The following MYOM1 variants were observed in gnomAD, a reference collection of about 807,000 sequenced individuals.
MYOM1 encodes the protein myomesin 1.
Under a neutral mutation model 205.3 loss-of-function variants are expected in MYOM1, and 164 were observed. The observed-to-expected ratio is 0.80, with a 90% CI of 0.70 to 0.91. The LOEUF is 0.91. MYOM1 is among the 40% of genes least tolerant of loss of function. MYOM1 has a pLI of 0.00. For synonymous variants in MYOM1, 772 were observed against 789.4 expected (o/e 0.98, Z 0.37); for missense variants, 2,011 against 2,127.3 (o/e 0.95, Z 1.08).
intron 2 of MYOM1, among the ~76,000 whole-genome samples, chr18:3,197,136 C>CTT (rs34446814): frequency 6.0e-5 from 8 of 132,512 alleles, no homozygotes; most frequent in Middle Eastern, 3.5e-3. Context: ...CTCCAACTTC[C>CTT]TTTTTTTTTT....
intron 10 of MYOM1, among the ~76,000 whole-genome samples, chr18:3,155,438 A>T (rs184781261): frequency 6.6e-6 from 1 of 152,122 alleles, no homozygotes; most frequent in African/African-American, 2.4e-5. Context: ...GTTAGCCAGG[A>T]TGGTCTTGAT....
intron 22 of MYOM1, among the ~76,000 whole-genome samples, chr18:3,105,511 C>A (rs913888652): frequency 6.6e-6 from 1 of 152,084 alleles, no homozygotes; most frequent in Non-Finnish European, 1.5e-5. Context: ...ATAATTTGTT[C>A]AGGTTTTTGA....
At chr18:3,171,899 C>T (rs12326590) in intron 8 of MYOM1, among the ~76,000 whole-genome samples, 31,489 of 151,924 alleles carry the variant, frequency 0.21, 3,556 homozygotes, top group Non-Finnish European at 0.26. Context: ...ACAGTCTAGT[C>T]CTTTACAGAA....
At chr18:3,172,511 C>G (rs1200753011) in intron 8 of MYOM1, among the ~76,000 whole-genome samples, 1 of 151,652 alleles carries the variant, frequency 6.6e-6, no homozygotes, top group Non-Finnish European at 1.5e-5. Flanking sequence ...GAATTTCCAA[C>G]TATTCTTTTT....
intron 22 of MYOM1, among the ~76,000 whole-genome samples, chr18:3,109,125 T>C (rs565076007): frequency 6.6e-6 from 1 of 151,724 alleles, no homozygotes; most frequent in East Asian, 2.0e-4. Context: ...GGATTACAGA[T>C]GCCCGCCACA....
rs767192545 is a variant in MYOM1 at position 3,135,669 on chromosome 18, C to T, written c.2087G>A (p.Arg696His). 248 of 1,613,810 alleles carry T rather than the reference C, an allele frequency of 1.5e-4. 2 individuals carry two copies. The highest frequency in any genetic ancestry group is 7.8e-4 in the East Asian group (35 of 44,894). ...CTCGGCCAAGTCAAACAGAGCAAAG[C>T]GGGGAGACTTCACAGGGAGCTCCGT... Reference protein sequence around the residue: ...VNTELPVKSPRFALFDLAEGK... With the variant: ...VNTELPVKSPHFALFDLAEGK... The change falls in exon 15 of 38, where the codon CGC becomes CAC. Residue 696 changes from arginine (R) to histidine (H), a missense_variant. Physicochemically the swap from Arg to His is conservative, Grantham distance 29. Transcript: ENST00000356443. The surrounding 1 kb of genome is among the most constrained non-coding windows in gnomAD (Gnocchi z 4.1).
chr18:3,182,956 G>C (rs1308018065), intron 5 of MYOM1, among the ~76,000 whole-genome samples: 7 of 113,434 alleles, frequency 6.2e-5, no homozygotes, highest in African/African-American at 2.3e-4. Flanking sequence ...ACAGAGTTTC[G>C]CTCTTGTTGC....
chr18:3,202,464 C>T (rs1345595373), intron 2 of MYOM1, among the ~76,000 whole-genome samples: 1 of 151,298 alleles, frequency 6.6e-6, no homozygotes, highest in Non-Finnish European at 1.5e-5. Flanking sequence ...AATTTAAAGA[C>T]ACATTTGTTA....
At chr18:3,237,598 CAAAAAAAAAAAAAA>C in the MYOM1 span, among the ~76,000 whole-genome samples, 7 of 53,608 alleles carry the variant, frequency 1.3e-4, no homozygotes, top group Admixed American at 7.8e-4. Context: ...GACTCCGTCT[CAAAAAAAAAAAAAA>C]AAAAAAAAAA....
chr18:3,235,875 GAA>G, the MYOM1 span, among the ~76,000 whole-genome samples: 3 of 152,236 alleles, frequency 2.0e-5, no homozygotes, highest in Admixed American at 6.5e-5. Flanking sequence ...TTGAAGATGC[GAA>G]AGAGTTGAGG....
intron 7 of MYOM1, 44 bp from the exon 8 acceptor site, chr18:3,174,044 A>G: frequency 6.2e-7 from 1 of 1,609,764 alleles, no homozygotes; most frequent in Non-Finnish European, 8.5e-7. Context: ...TTTGTGATCG[A>G]TTTATTTTAA....
Position 3,141,868 on chromosome 18 carries a change from A to C in MYOM1, c.2025+71T>G, listed in dbSNP as rs2080054228. ...CCTCCCTCACTCCATTGTCCCTGGG[A>C]ATTTAGCCTCCACTTTTCTAAAGAA... On this transcript the variant is annotated intron_variant, in intron 14 of 37. Transcript: ENST00000356443. The C allele has an allele frequency of 2.5e-6, 4 of 1,591,556 alleles. No individual in the cohort carries two copies. In the East Asian group the frequency reaches 9.0e-5, roughly 36 times the overall value.
intron 22 of MYOM1, among the ~76,000 whole-genome samples, chr18:3,111,418 G>A (rs978965692): frequency 6.6e-6 from 1 of 151,952 alleles, no homozygotes; most frequent in Non-Finnish European, 1.5e-5. Context: ...TAGTAATCAC[G>A]GCATCTTTGA....
intron 30 of MYOM1, 46 bp from the exon 31 acceptor site, chr18:3,085,178 G>T (rs755407636): frequency 3.1e-6 from 4 of 1,286,412 alleles, no homozygotes; most frequent in Non-Finnish European, 3.2e-6. Context: ...GTAGCCCCAG[G>T]GCACGGTATC....
chr18:3,221,032 T>C (rs551442960), upstream of MYOM1, among the ~76,000 whole-genome samples: 313 of 152,330 alleles, frequency 2.1e-3, 3 homozygotes, highest in Middle Eastern at 3.4e-3. Flanking sequence ...AAATTGTTTT[T>C]CTTTCTGAGA....
the MYOM1 span, among the ~76,000 whole-genome samples, chr18:3,229,969 T>G: frequency 3.0e-5 from 2 of 66,376 alleles, no homozygotes; most frequent in African/African-American, 1.3e-4. Context: ...AGAGTGAAAC[T>G]CCATCTCAAA....
chr18:3,186,786 GAGAGAA>G (rs2080817904), intron 5 of MYOM1, among the ~76,000 whole-genome samples: 2 of 124,210 alleles, frequency 1.6e-5, no homozygotes, highest in African/African-American at 7.1e-5. Flanking sequence ...AGGAAGGAGA[GAGAGAA>G]AGAAAGAAAG....
At chr18:3,224,381 T>C (rs1321736600), upstream of MYOM1, among the ~76,000 whole-genome samples, 5 of 152,208 alleles carry the variant, frequency 3.3e-5, no homozygotes, top group Non-Finnish European at 5.9e-5. Flanking sequence ...TTAAGGCCAA[T>C]GCTGTTGACA....
chr18:3,127,170 T>C (rs1289504763), intron 18 of MYOM1, among the ~76,000 whole-genome samples: 1 of 151,434 alleles, frequency 6.6e-6, no homozygotes, highest in African/African-American at 2.4e-5. Flanking sequence ...GAAGAAATAT[T>C]TTTCCCAAGG....
Sources: allele counts gnomAD v4.1 joint callset (sites outside exome capture counted in the v4.1 genomes callset), GRCh38; gene constraint gnomAD v4.1.1; non-coding constraint Gnocchi (gnomAD v3.1); transcripts MANE v1.5; gene names NCBI Gene and HGNC (gene_info 2026-07-23, HGNC 2026-07-21).